Variants in TIMP2 observed in about 807,000 individuals in gnomAD.
TIMP2 encodes the protein metalloproteinase inhibitor 2.
A neutral mutation model predicts 24.3 loss-of-function variants in TIMP2; 5 were observed. The ratio of observed to expected loss-of-function variants is 0.21; its 90% confidence interval spans 0.11 to 0.43. The LOEUF (loss-of-function observed/expected upper bound fraction) is 0.43. Among genes scored for constraint, TIMP2 ranks in the 20% least tolerant of loss-of-function variants. The probability of loss-of-function intolerance (pLI) is 1.00; values close to 1 mark genes in which losing one functional copy is unlikely to be tolerated. For missense variants in TIMP2, 221 were observed against 297.5 expected, an observed-to-expected ratio of 0.74 and a Z score of 1.89; for synonymous variants, 130 against 123.2, an observed-to-expected ratio of 1.06 and a Z score of -0.37.
rs745343765 is a variant in TIMP2 at position 78,855,707 on chromosome 17, G to A, written c.623C>T (p.Ala208Val). 9.9e-6 allele frequency: 16 copies of A among 1,614,054 alleles called. No homozygotes were observed. The highest frequency in any genetic ancestry group is 8.9e-5 in the East Asian group (4 of 44,870). ...GTCGAGAAACTCCTGCTTGGGGGGC[G>A]CCGCGCCGCGGTACCACGCACAGGA... is the stretch of plus-strand genomic sequence containing the variant. ...DGSCAWYRGAAPPKQEFLDIE... is the reference protein window; with the variant it reads ...DGSCAWYRGAVPPKQEFLDIE... Residue 208 changes from alanine (A) to valine (V), a missense_variant, in exon 5 of 5, where the codon GCG becomes GTG. Transcript: ENST00000262768. The surrounding 1 kb of genome is among the most constrained non-coding windows in gnomAD (Gnocchi z 6.0).
intron 1 of TIMP2, among the ~76,000 whole-genome samples, chr17:78,879,911 G>A (rs1223109689): frequency 6.6e-6 from 1 of 151,912 alleles, no homozygotes; most frequent in African/African-American, 2.4e-5. Context: ...CCGCCAGAGT[G>A]GGGACGGAAA....
intron 3 of TIMP2, among the ~76,000 whole-genome samples, chr17:78,861,768 A>G (rs1475073228): frequency 1.3e-5 from 2 of 151,954 alleles, no homozygotes; most frequent in African/African-American, 2.4e-5. Context: ...CCCATGGCTA[A>G]TCTTTGTATT....
intron 3 of TIMP2, among the ~76,000 whole-genome samples, chr17:78,859,426 G>A (rs1248664864): frequency 6.6e-6 from 1 of 152,218 alleles, no homozygotes; most frequent in Non-Finnish European, 1.5e-5. Context: ...TTGGGAGGCT[G>A]AGGTGGGCGG....
At chr17:78,909,344 G>C (rs2070187472) in intron 1 of TIMP2, among the ~76,000 whole-genome samples, 1 of 151,232 alleles carries the variant, frequency 6.6e-6, no homozygotes, top group Non-Finnish European at 1.5e-5. Flanking sequence ...GACAGAGCAA[G>C]ACCCTCATCT....
intron 1 of TIMP2, chr17:78,898,307 A>C (rs2070034953): frequency 6.6e-6 from 1 of 152,268 alleles, no homozygotes; most frequent in South Asian, 2.1e-4. Context: ...CATAGCTCGT[A>C]ATCAGGGCAG....
intron 1 of TIMP2, among the ~76,000 whole-genome samples, chr17:78,888,144 T>A (rs2005542): frequency 0.12 from 17,557 of 151,152 alleles, 1,342 homozygotes; most frequent in African/African-American, 0.21. Flanking sequence ...CAGGTATATA[T>A]CTTTTTGTTT....
At chr17:78,870,330 C>T (rs1051890800) in intron 3 of TIMP2, among the ~76,000 whole-genome samples, 2 of 151,300 alleles carry the variant, frequency 1.3e-5, no homozygotes, top group Non-Finnish European at 2.9e-5. Context: ...GCAGGAGAAT[C>T]GCTTGAACCC....
chr17:78,857,290 C>T (rs1443461899), intron 4 of TIMP2: 13 of 551,952 alleles, frequency 2.4e-5, no homozygotes, highest in Non-Finnish European at 3.8e-5. Context: ...GCCCGGCCTC[C>T]AGACATCCCC....
At chr17:78,881,964 A>G (rs978444319) in intron 1 of TIMP2, among the ~76,000 whole-genome samples, 2 of 55,196 alleles carry the variant, frequency 3.6e-5, no homozygotes, top group South Asian at 3.1e-4. Flanking sequence ...CAGGGGCTCC[A>G]TATCCTCTTT....
intron 1 of TIMP2, among the ~76,000 whole-genome samples, chr17:78,905,316 A>G (rs904716497): frequency 2.0e-5 from 3 of 152,218 alleles, no homozygotes; most frequent in Non-Finnish European, 4.4e-5. Context: ...GCTCACAGAC[A>G]GCAGATTCCA....
intron 1 of TIMP2, among the ~76,000 whole-genome samples, chr17:78,883,582 G>C (rs74002612): frequency 7.9e-5 from 12 of 152,088 alleles, no homozygotes; most frequent in African/African-American, 2.2e-4. Flanking sequence ...GCCTGCCAGC[G>C]GGCACCTGGG....
chr17:78,890,390 C>A (rs766360905), intron 1 of TIMP2, among the ~76,000 whole-genome samples: 4 of 152,078 alleles, frequency 2.6e-5, no homozygotes, highest in African/African-American at 4.8e-5. Context: ...TTAGTAAAAA[C>A]GGGGTTTCGC....
At chr17:78,893,470 CATAGCG>C in intron 1 of TIMP2, among the ~76,000 whole-genome samples, 3 of 117,514 alleles carry the variant, frequency 2.6e-5, no homozygotes, top group African/African-American at 1.0e-4. Flanking sequence ...GGTGTGTGTG[CATAGCG>C]GTGTGTGTGC....
At chr17:78,889,715 G>C (rs1185768192) in intron 1 of TIMP2, among the ~76,000 whole-genome samples, 1 of 152,066 alleles carries the variant, frequency 6.6e-6, no homozygotes, top group African/African-American at 2.4e-5. Context: ...GTAGTGACAT[G>C]ATCGGCTCTG....
At chr17:78,894,201 CG>C (rs1217987619) in intron 1 of TIMP2, among the ~76,000 whole-genome samples, 1 of 151,912 alleles carries the variant, frequency 6.6e-6, no homozygotes, top group African/African-American at 2.4e-5. Flanking sequence ...CTACCCCCCC[CG>C]GTTCACAGAC....
chr17:78,885,004 CAGG>C (rs2069812983), intron 1 of TIMP2, among the ~76,000 whole-genome samples: 1 of 152,204 alleles, frequency 6.6e-6, no homozygotes, highest in African/African-American at 2.4e-5. Context: ...GGGAGCAGGC[CAGG>C]AGGTGAACAG....
At chr17:78,863,534 G>A (rs1384383599) in intron 3 of TIMP2, among the ~76,000 whole-genome samples, 6 of 152,132 alleles carry the variant, frequency 3.9e-5, no homozygotes, top group African/African-American at 4.8e-5. Context: ...CAGCCACTGC[G>A]CTGGGCTGTT....
In TIMP2 at chr17:78,870,929, G is replaced by T. The variant is rs1350508069; in HGVS notation, c.309C>A (p.Asp103Glu). 1 of 1,613,708 alleles carries T rather than the reference G, an allele frequency of 6.2e-7. No individual in the cohort carries two copies. Among genetic ancestry groups the T allele is most frequent in the Non-Finnish European group, 8.5e-7 (1 of 1,179,854 alleles). The change falls in exon 3 of 5, where the codon GAC becomes GAA. Residue 103 changes from aspartate (D) to glutamate (E), a missense_variant. Physicochemically the swap from Asp to Glu is conservative, Grantham distance 45 (BLOSUM62 2). Coordinates refer to ENST00000262768, the MANE Select transcript of TIMP2 (RefSeq NM_003255.5). The stretch of plus-strand genomic sequence containing the variant: ...TGAGATATTCCTTCTTTCCTCCAAC[G>T]TCCAGCGAGACCCCACACACTGCCG... The part of the protein sequence containing the change: ...PSSAVCGVSL[D>E]VGGKKEYLIA...
intron 3 of TIMP2, among the ~76,000 whole-genome samples, chr17:78,863,877 C>T (rs1346039097): frequency 1.3e-5 from 2 of 152,174 alleles, no homozygotes; most frequent in South Asian, 2.1e-4. Context: ...CTCTCAACAA[C>T]CCCTCGTGGG....
Sources: gnomAD v4.1 joint callset for allele counts (sites outside exome capture counted in the v4.1 genomes callset) on GRCh38, gnomAD v4.1.1 for gene constraint, Gnocchi (gnomAD v3.1) non-coding constraint, MANE v1.5 for transcripts, NCBI Gene and HGNC (gene_info 2026-07-23, HGNC 2026-07-21) for gene names.